The following OR3A2 variants were observed in gnomAD, a reference collection of about 807,000 sequenced individuals.
OR3A2 encodes olfactory receptor family 3 subfamily A member 2, also known as olfactory receptor 3A2.
For synonymous variants in OR3A2, 126 were observed against 159.3 expected, an observed-to-expected ratio of 0.79 and a Z score of 1.57; for missense variants, 318 against 392.8, an observed-to-expected ratio of 0.81 and a Z score of 1.61.
intron 1 of OR3A2, chr17:3,383,949 TG>T (rs2049758504): frequency 1.2e-5 from 1 of 84,926 alleles, no homozygotes; most frequent in East Asian, 3.8e-4. Flanking sequence ...AAATATTTAT[TG>T]AATAAATATT....
intron 3 of OR3A2, among the ~76,000 whole-genome samples, chr17:3,299,566 G>A (rs1035639252): frequency 3.9e-5 from 6 of 152,148 alleles, no homozygotes; most frequent in Non-Finnish European, 5.9e-5. Context: ...AATGAACGGC[G>A]AATGTGGAGA....
chr17:3,314,447 C>T (rs1197569884), intron 3 of OR3A2, among the ~76,000 whole-genome samples: 3 of 152,102 alleles, frequency 2.0e-5, no homozygotes, highest in Non-Finnish European at 4.4e-5. Flanking sequence ...AACGTATTGA[C>T]ATGAGAAGTT....
At chr17:3,277,178 G>A (rs567399265), downstream of OR3A2, 788 of 151,616 alleles carry the variant, frequency 5.2e-3, 5 homozygotes, top group Non-Finnish European at 9.5e-3. Context: ...CATCCGCCTC[G>A]GCCTCCCAAA....
intron 3 of OR3A2, among the ~76,000 whole-genome samples, chr17:3,290,823 A>G (rs1384094215): frequency 6.6e-6 from 1 of 152,326 alleles, no homozygotes; most frequent in South Asian, 2.1e-4. Context: ...ACTAAGAGTG[A>G]GAGTTTTGGA....
chr17:3,341,197 T>C (rs1483890881), intron 2 of OR3A2, among the ~76,000 whole-genome samples: 1 of 152,202 alleles, frequency 6.6e-6, no homozygotes, highest in Non-Finnish European at 1.5e-5. Flanking sequence ...TACAGCACAC[T>C]GATGGGTCTT....
intron 2 of OR3A2, among the ~76,000 whole-genome samples, chr17:3,372,467 G>A (rs1424028029): frequency 1.3e-5 from 2 of 152,036 alleles, no homozygotes; most frequent in Non-Finnish European, 2.9e-5. Context: ...GGAGGCCAAG[G>A]CAGGCGGCTG....
intron 3 of OR3A2, among the ~76,000 whole-genome samples, chr17:3,329,591 T>G (rs1199097641): frequency 2.8e-5 from 4 of 141,188 alleles, no homozygotes; most frequent in Non-Finnish European, 6.1e-5. Context: ...GTCTATTTGA[T>G]TCTTCTCTCT....
exon 2 of OR3A2, chr17:3,277,804 A>C: frequency 1.4e-6 from 1 of 725,812 alleles, no homozygotes; most frequent in South Asian, 2.0e-5. Context: ...TATTTGTTGA[A>C]TGAATAAATT....
chr17:3,349,866 T>C (rs527727356), intron 2 of OR3A2, among the ~76,000 whole-genome samples: 4 of 152,052 alleles, frequency 2.6e-5, no homozygotes, highest in Admixed American at 2.0e-4. Flanking sequence ...CTAGAACTCA[T>C]GATTAAGAAT....
At chr17:3,336,237 A>G (rs931747771) in intron 2 of OR3A2, 111 bp from the exon 2 acceptor site, 5 of 152,240 alleles carry the variant, frequency 3.3e-5, no homozygotes, top group African/African-American at 1.2e-4. Flanking sequence ...AACTCACAGT[A>G]CAGTGCTTTT....
intron 2 of OR3A2, among the ~76,000 whole-genome samples, chr17:3,344,902 C>G (rs2049349571): frequency 6.6e-6 from 1 of 152,180 alleles, no homozygotes; most frequent in South Asian, 2.1e-4. Context: ...AGAGCAGTAG[C>G]AGCTACCTTG....
chr17:3,384,863 C>T (rs2049765481), intron 1 of OR3A2, among the ~76,000 whole-genome samples: 1 of 151,910 alleles, frequency 6.6e-6, no homozygotes, highest in African/African-American at 2.4e-5. Context: ...GACCACAAGC[C>T]TAAAATATTA....
chr17:3,278,936 G>A lies in OR3A2; in HGVS notation c.-6-13C>T. ...GCTCCATGAGTTTCTGTAAGGACAT[G>A]TCCCAGCAGGGGAGGTATCAGTTCA... On this transcript the variant is annotated splice_polypyrimidine_tract_variant and intron_variant, in intron 1 of 1. Coordinates refer to ENST00000642052, the Ensembl canonical transcript of OR3A2. 6.5e-7 allele frequency: 1 copy of A among 1,546,388 alleles called. No individual in the cohort carries two copies. The highest frequency in any genetic ancestry group is 8.7e-7 in the Non-Finnish European group (1 of 1,151,030).
chr17:3,333,167 A>T (rs1211954938), intron 3 of OR3A2, among the ~76,000 whole-genome samples: 1 of 152,190 alleles, frequency 6.6e-6, no homozygotes, highest in Non-Finnish European at 1.5e-5. Flanking sequence ...AGGTCTATAA[A>T]TTGCCGCTCT....
At chr17:3,290,594 A>G (rs2150621036) in intron 3 of OR3A2, among the ~76,000 whole-genome samples, 1 of 152,360 alleles carries the variant, frequency 6.6e-6, no homozygotes, top group Non-Finnish European at 1.5e-5. Flanking sequence ...GCATTTGGAA[A>G]CAGCAGTGGC....
intron 2 of OR3A2, among the ~76,000 whole-genome samples, chr17:3,368,526 T>C (rs1309328102): frequency 1.3e-5 from 2 of 152,224 alleles, no homozygotes; most frequent in Non-Finnish European, 2.9e-5. Flanking sequence ...CGTTGCTTTG[T>C]CAAAGATCAG....
rs1316018856 is a variant in OR3A2, at chr17:3,327,923, T to C, written c.-85+8110A>G. The stretch of plus-strand genomic sequence containing the variant: ...TCTGTTCCATTGACCTATATCTCTG[T>C]TTTGGTACCAGTACCATGCTGTTTT... On this transcript the variant is annotated intron_variant, in intron 3 of 4. Transcript: ENST00000573491. 4.1e-5 allele frequency among the ~76,000 whole-genome samples: 5 copies of C among 123,426 alleles called. 2 individuals are homozygous for C. Among genetic ancestry groups the C allele is most frequent in the African/African-American group, 1.8e-4 (5 of 28,338 alleles). 81.0% of individuals were successfully genotyped at this position (123,426 alleles called of 152,430 possible). A position where few individuals can be genotyped will look rare whatever the true frequency, so the allele number is the denominator to read the frequency against.
At chr17:3,339,091 T>G (rs1001590132) in intron 2 of OR3A2, among the ~76,000 whole-genome samples, 1 of 152,172 alleles carries the variant, frequency 6.6e-6, no homozygotes, top group Non-Finnish European at 1.5e-5. Context: ...TGTATAAGAA[T>G]GCTTATGATT....
intron 3 of OR3A2, among the ~76,000 whole-genome samples, chr17:3,332,027 G>A (rs1040973885): frequency 1.8e-3 from 280 of 152,122 alleles, no homozygotes; most frequent in African/African-American, 2.9e-3. Context: ...TAGGCTGCTC[G>A]GGGGTCAGGG....
Sources: gnomAD v4.1 joint callset for allele counts (sites outside exome capture counted in the v4.1 genomes callset) on GRCh38, gnomAD v4.1.1 for gene constraint, MANE v1.5 for transcripts, NCBI Gene and HGNC (gene_info 2026-07-23, HGNC 2026-07-21) for gene names.